The following PID1 variants were observed in gnomAD, a reference collection of about 807,000 sequenced individuals.
PID1 encodes the protein PTB-containing, cubilin and LRP1-interacting protein.
PID1 carries 10 observed loss-of-function variants against 19.1 expected under a neutral mutation model. The ratio of observed to expected loss-of-function variants is 0.52; its 90% CI spans 0.32 to 0.89. PID1 has a LOEUF of 0.89. PID1 is among the 40% of genes least tolerant of loss of function. The pLI is 0.03. For missense variants in PID1, 248 were observed against 285.3 expected (o/e 0.87, Z 0.94); for synonymous variants, 130 against 116.0 (o/e 1.12, Z -0.78).
chr2:229,115,646 C>T (rs1156502472), intron 2 of PID1, among the ~76,000 whole-genome samples: 1 of 152,126 alleles, frequency 6.6e-6, no homozygotes, highest in Non-Finnish European at 1.5e-5. Context: ...CCACTCCATT[C>T]ATATTGAAGA....
intron 2 of PID1, among the ~76,000 whole-genome samples, chr2:229,115,449 G>T (rs1344651454): frequency 6.9e-6 from 1 of 145,192 alleles, no homozygotes; most frequent in Non-Finnish European, 1.5e-5. Flanking sequence ...AAAGGAAAAA[G>T]AAAAAATGAA....
In PID1 at chr2:229,237,193, T is replaced by C. The variant is rs114911172; in HGVS notation, c.30+33821A>G. Among the ~76,000 whole-genome samples, 727 of 152,246 alleles carry C rather than the reference T, an allele frequency of 4.8e-3. 4 individuals carry two copies. Among genetic ancestry groups the C allele is most frequent in the African/African-American group, 0.017 (709 of 41,550 alleles). ...TCTTTTTGCATCCAGAGAATAACAATAGAAACCCAAACTAAACTTTATTCT... is the reference window on the plus strand; with the variant it reads ...TCTTTTTGCATCCAGAGAATAACAACAGAAACCCAAACTAAACTTTATTCT... On this transcript the variant is annotated intron_variant, in intron 1 of 2. Coordinates refer to ENST00000392055, the MANE Select transcript of PID1 (RefSeq NM_001100818.2).
intron 1 of PID1, among the ~76,000 whole-genome samples, chr2:229,198,736 G>T (rs560703810): frequency 6.6e-6 from 1 of 151,960 alleles, no homozygotes; most frequent in Non-Finnish European, 1.5e-5. Context: ...GTCCTACTGG[G>T]TCTATATTCA....
intron 2 of PID1, among the ~76,000 whole-genome samples, chr2:229,119,005 G>A (rs1263246319): frequency 6.6e-6 from 1 of 152,168 alleles, no homozygotes; most frequent in Non-Finnish European, 1.5e-5. Flanking sequence ...TGCCTTCTAA[G>A]TTATTACACA....
At chr2:229,166,528 T>G (rs553026725) in intron 1 of PID1, among the ~76,000 whole-genome samples, 1 of 152,210 alleles carries the variant, frequency 6.6e-6, no homozygotes. Flanking sequence ...TGCTCAATGC[T>G]AGAGGGAAAA....
At chr2:229,270,337 A>G (rs1021180945) in intron 1 of PID1, among the ~76,000 whole-genome samples, 1 of 152,144 alleles carries the variant, frequency 6.6e-6, no homozygotes, top group African/African-American at 2.4e-5. Flanking sequence ...TTTCTCTTCA[A>G]TCGCCTCCCG....
chr2:229,031,352 G>T (rs981884319), intron 2 of PID1, among the ~76,000 whole-genome samples: 2 of 151,936 alleles, frequency 1.3e-5, no homozygotes, highest in Non-Finnish European at 2.9e-5. Context: ...GAGGTCAGGA[G>T]TTCAAGACCA....
At chr2:229,155,572 C>CAAAA (rs1212516661) in intron 2 of PID1, among the ~76,000 whole-genome samples, 2 of 99,766 alleles carry the variant, frequency 2.0e-5, no homozygotes, top group Admixed American at 9.5e-5. Flanking sequence ...GACTCCGTCT[C>CAAAA]AAAAAAAAAC....
intron 2 of PID1, among the ~76,000 whole-genome samples, chr2:229,049,278 C>T (rs1424651309): frequency 1.3e-5 from 2 of 151,984 alleles, no homozygotes; most frequent in Admixed American, 1.3e-4. Context: ...ATTTTTTTCA[C>T]ATGTATGTTG....
chr2:229,096,139 T>C (rs1170509512), intron 2 of PID1, among the ~76,000 whole-genome samples: 4 of 152,190 alleles, frequency 2.6e-5, no homozygotes. Context: ...AGTAGCTATA[T>C]TCCTATTAGA....
chr2:229,135,755 GA>G (rs1559249438), intron 2 of PID1, among the ~76,000 whole-genome samples: 2 of 152,072 alleles, frequency 1.3e-5, no homozygotes, highest in Admixed American at 1.3e-4. Context: ...CCTGGGGGCA[GA>G]AAAAAAGACT....
At chr2:229,104,980 C>A (rs1293293825) in intron 2 of PID1, among the ~76,000 whole-genome samples, 3 of 152,274 alleles carry the variant, frequency 2.0e-5, no homozygotes, top group Non-Finnish European at 4.4e-5. Flanking sequence ...TTCCCAGAGA[C>A]AAACGCACTG....
At chr2:229,197,879 G>A (rs931298865) in intron 1 of PID1, among the ~76,000 whole-genome samples, 12 of 151,954 alleles carry the variant, frequency 7.9e-5, no homozygotes, top group Non-Finnish European at 1.5e-4. Flanking sequence ...CATTTCAAAT[G>A]CATTTCATTC....
intron 1 of PID1, among the ~76,000 whole-genome samples, chr2:229,237,874 G>T (rs1689756116): frequency 1.3e-5 from 2 of 152,138 alleles, no homozygotes; most frequent in African/African-American, 2.4e-5. Flanking sequence ...AATTTATACT[G>T]ACACTGGAAT....
chr2:229,180,691 C>G (rs1308544276), intron 1 of PID1, among the ~76,000 whole-genome samples: 1 of 152,198 alleles, frequency 6.6e-6, no homozygotes, highest in Non-Finnish European at 1.5e-5. Context: ...ACATCTGAGC[C>G]TGCGGGAACC....
intron 1 of PID1, among the ~76,000 whole-genome samples, chr2:229,224,961 C>A (rs907370038): frequency 2.0e-5 from 3 of 152,094 alleles, no homozygotes; most frequent in Admixed American, 2.0e-4. Flanking sequence ...CTTTTTAACT[C>A]CCAAAAACAT....
chr2:229,126,391 C>G (rs978383109), intron 2 of PID1, among the ~76,000 whole-genome samples: 6 of 151,802 alleles, frequency 4.0e-5, no homozygotes, highest in African/African-American at 1.5e-4. Context: ...GCTTTGGCTC[C>G]TGAGATGTGC....
At chr2:229,216,367 A>G (rs906667858) in intron 1 of PID1, among the ~76,000 whole-genome samples, 5 of 152,168 alleles carry the variant, frequency 3.3e-5, no homozygotes, top group Admixed American at 2.0e-4. Context: ...CTCACCTCCA[A>G]CATCCAGCAT....
At chr2:229,137,020 T>A (rs1689870742) in intron 2 of PID1, among the ~76,000 whole-genome samples, 1 of 152,246 alleles carries the variant, frequency 6.6e-6, no homozygotes, top group African/African-American at 2.4e-5. Flanking sequence ...ACTTTGCTCA[T>A]CATAATGCGG....
Sources: allele counts gnomAD v4.1 joint callset (sites outside exome capture counted in the v4.1 genomes callset), GRCh38; gene constraint gnomAD v4.1.1; transcripts MANE v1.5; gene names NCBI Gene and HGNC (gene_info 2026-07-23, HGNC 2026-07-21).